STK32B: variants seen among roughly 807,000 people sequenced by gnomAD.
STK32B encodes serine/threonine kinase 32B, also known as serine/threonine-protein kinase 32B.
In STK32B, 43 loss-of-function variants were observed where a neutral mutation model predicts 52.6. The ratio of observed to expected loss-of-function variants is 0.82; its 90% CI spans 0.64 to 1.05. The LOEUF (loss-of-function observed/expected upper bound fraction) is 1.05, where lower values mean the gene tolerates loss of function less well. Ranked by LOEUF, STK32B falls within the 50% of genes least tolerant of loss-of-function variation. The probability of loss-of-function intolerance (pLI) is 0.00; values close to 1 mark genes in which losing one functional copy is unlikely to be tolerated. For missense variants in STK32B, 621 were observed against 534.6 expected (o/e 1.16, Z -1.59); for synonymous variants, 238 against 204.3 (o/e 1.17, Z -1.41).
At chr4:5,056,861 T>C (rs893458063) in intron 1 of STK32B, among the ~76,000 whole-genome samples, 1 of 152,194 alleles carries the variant, frequency 6.6e-6, no homozygotes, top group Non-Finnish European at 1.5e-5. Context: ...CCAAGGGATA[T>C]TGGAGTATCA....
Position 5,182,710 on chromosome 4 carries a change from C to T in STK32B, c.260+14260C>T, listed in dbSNP as rs564835460. 1.2e-4 allele frequency among the ~76,000 whole-genome samples: 18 copies of T among 152,214 alleles called. No homozygotes were observed. In the East Asian group the frequency reaches 2.5e-3, roughly 21 times the overall value. Reference sequence around the variant, plus strand: ...CTGACCTCAGGTAATCTGCCTGCCTCGGCCTCTCAAAGTGCTGGGATTACA... The same window carrying T: ...CTGACCTCAGGTAATCTGCCTGCCTTGGCCTCTCAAAGTGCTGGGATTACA... On this transcript the variant is annotated intron_variant, in intron 3 of 11. Transcript: ENST00000282908.
At chr4:5,464,665 T>C (rs7688517) in intron 9 of STK32B, among the ~76,000 whole-genome samples, 2 of 152,044 alleles carry the variant, frequency 1.3e-5, no homozygotes, top group Non-Finnish European at 2.9e-5. Context: ...TTTGTGTGAC[T>C]TATCTTGTGT....
intron 4 of STK32B, among the ~76,000 whole-genome samples, chr4:5,393,717 A>C (rs770488901): frequency 2.0e-5 from 3 of 152,040 alleles, no homozygotes; most frequent in Non-Finnish European, 4.4e-5. Flanking sequence ...CCATGATCCA[A>C]TCACCTCCTA....
chr4:5,181,085 A>G (rs1048197862), intron 3 of STK32B, among the ~76,000 whole-genome samples: 2 of 152,028 alleles, frequency 1.3e-5, no homozygotes, highest in Admixed American at 1.3e-4. Flanking sequence ...GAGTGTTTCA[A>G]CACTTTGAGG....
chr4:5,475,759 A>AT (rs1282818222), intron 11 of STK32B, among the ~76,000 whole-genome samples: 2 of 151,916 alleles, frequency 1.3e-5, no homozygotes, highest in African/African-American at 4.8e-5. Flanking sequence ...TGGAAAATAA[A>AT]AAAAAAAAGA....
At chr4:5,345,689 A>G (rs1046073427) in intron 4 of STK32B, among the ~76,000 whole-genome samples, 2 of 152,222 alleles carry the variant, frequency 1.3e-5, no homozygotes, top group Non-Finnish European at 2.9e-5. Flanking sequence ...TGGCCACCCC[A>G]AGTCACCAAG....
chr4:5,171,508 T>C (rs1211986578), intron 3 of STK32B, among the ~76,000 whole-genome samples: 1 of 152,202 alleles, frequency 6.6e-6, no homozygotes, highest in Non-Finnish European at 1.5e-5. Flanking sequence ...AGGTGTCCAG[T>C]TTCAGCTTTC....
intron 3 of STK32B, among the ~76,000 whole-genome samples, chr4:5,281,265 G>C (rs889766377): frequency 2.6e-5 from 4 of 152,086 alleles, no homozygotes; most frequent in Non-Finnish European, 5.9e-5. Context: ...GATTTTGGTG[G>C]GGACACAGCC....
intron 3 of STK32B, among the ~76,000 whole-genome samples, chr4:5,280,522 C>A (rs1178010050): frequency 6.6e-6 from 1 of 152,206 alleles, no homozygotes; most frequent in Non-Finnish European, 1.5e-5. Context: ...CCTGCTTGCA[C>A]ATTCTCAGGT....
At chr4:5,169,799 T>G (rs1404438110) in intron 3 of STK32B, among the ~76,000 whole-genome samples, 1 of 152,198 alleles carries the variant, frequency 6.6e-6, no homozygotes, top group African/African-American at 2.4e-5. Context: ...TGGCAAAATA[T>G]AGAAAATAAA....
At chr4:5,445,920 T>C (rs908288012) in intron 6 of STK32B, among the ~76,000 whole-genome samples, 1 of 139,746 alleles carries the variant, frequency 7.2e-6, no homozygotes, top group Non-Finnish European at 1.5e-5. Flanking sequence ...TCACCTATGC[T>C]AAAATATAGT....
the STK32B span, among the ~76,000 whole-genome samples, chr4:5,023,413 G>A: frequency 6.6e-6 from 1 of 152,170 alleles, no homozygotes; most frequent in African/African-American, 2.4e-5. Flanking sequence ...CTTGTCCAGA[G>A]TCTGCTTGCA....
intron 11 of STK32B, among the ~76,000 whole-genome samples, chr4:5,489,288 G>GT (rs1403281308): frequency 6.6e-6 from 1 of 152,106 alleles, no homozygotes; most frequent in African/African-American, 2.4e-5. Flanking sequence ...ATCATTTCAA[G>GT]TTTTTTCTCT....
At chr4:5,020,617 C>T in the STK32B span, among the ~76,000 whole-genome samples, 1 of 152,156 alleles carries the variant, frequency 6.6e-6, no homozygotes, top group East Asian at 1.9e-4. Context: ...CAGGCCCTGT[C>T]CTCCTGCCAT....
intron 1 of STK32B, chr4:5,127,241 C>A (rs1026584504): frequency 4.5e-6 from 2 of 449,178 alleles, no homozygotes; most frequent in African/African-American, 4.0e-5. Context: ...TAAATGTCCT[C>A]GTTGTGTGGA....
Position 5,437,563 on chromosome 4 carries a change from A to C in STK32B, c.563-9110A>C, listed in dbSNP as rs1379729234. Among the ~76,000 whole-genome samples, 4 of 152,340 alleles carry C rather than the reference A, an allele frequency of 2.6e-5. No homozygotes were observed. The East Asian group carries it at 7.7e-4, about 29-fold the overall frequency. On this transcript the variant is annotated intron_variant, in intron 6 of 11. Transcript: ENST00000282908. ...TTGAGATACTTGATTACATTTACAA[A>C]GACCTTATTTTCAAATATGGCCCTA...
intron 4 of STK32B, among the ~76,000 whole-genome samples, chr4:5,370,788 T>A (rs1010440090): frequency 6.6e-6 from 1 of 151,338 alleles, no homozygotes; most frequent in Admixed American, 6.6e-5. Context: ...AGCCCAGGAG[T>A]AATCCCATCT....
chr4:5,294,420 C>G (rs1425355406), intron 3 of STK32B, among the ~76,000 whole-genome samples: 2 of 152,058 alleles, frequency 1.3e-5, no homozygotes, highest in African/African-American at 4.8e-5. Context: ...GATTGTTTTT[C>G]CATTTGTTTG....
chr4:5,326,758 A>C (rs977947812), intron 3 of STK32B, among the ~76,000 whole-genome samples: 1 of 152,086 alleles, frequency 6.6e-6, no homozygotes, highest in Non-Finnish European at 1.5e-5. Context: ...TACTGATCAG[A>C]GTGGTGGTTG....
Sources: gnomAD v4.1 joint callset for allele counts (sites outside exome capture counted in the v4.1 genomes callset) on GRCh38, gnomAD v4.1.1 for gene constraint, MANE v1.5 for transcripts, NCBI Gene and HGNC (gene_info 2026-07-23, HGNC 2026-07-21) for gene names.